The following ROBO1 variants were observed in gnomAD, a reference collection of about 807,000 sequenced individuals.
ROBO1 encodes the protein roundabout guidance receptor 1, also known as roundabout homolog 1.
In ROBO1, 149 loss-of-function variants were observed where a neutral mutation model predicts 195.9. The ratio of observed to expected loss-of-function variants is 0.76; its 90% CI spans 0.67 to 0.87. ROBO1 has a LOEUF of 0.87. ROBO1 is among the 40% of genes least tolerant of loss of function. The pLI is 0.00. For missense variants in ROBO1, 1,933 were observed against 2,068.3 expected, an observed-to-expected ratio of 0.93 and a Z score of 1.27; for synonymous variants, 816 against 733.2, an observed-to-expected ratio of 1.11 and a Z score of -1.82.
intron 4 of ROBO1, among the ~76,000 whole-genome samples, chr3:78,922,119 T>G (rs139466255): frequency 6.6e-6 from 1 of 152,118 alleles, no homozygotes; most frequent in African/African-American, 2.4e-5. Flanking sequence ...TAGGTTTACA[T>G]GGTATTGAAG....
At chr3:78,791,404 C>G (rs2084015847) in intron 4 of ROBO1, among the ~76,000 whole-genome samples, 1 of 152,102 alleles carries the variant, frequency 6.6e-6, no homozygotes, top group South Asian at 2.1e-4. Flanking sequence ...ACAAAATCTT[C>G]TCTCTCATAA....
intron 3 of ROBO1, among the ~76,000 whole-genome samples, chr3:79,049,500 C>T (rs1309749065): frequency 6.6e-6 from 1 of 152,066 alleles, no homozygotes; most frequent in African/African-American, 2.4e-5. Context: ...GAGGACTTCC[C>T]CAACCTAGCA....
At chr3:79,567,072 C>T (rs759353801) in intron 2 of ROBO1, among the ~76,000 whole-genome samples, 16 of 152,120 alleles carry the variant, frequency 1.1e-4, no homozygotes, top group South Asian at 2.1e-4. Flanking sequence ...ACTATGCAGC[C>T]GTAAAAAGAA....
At chr3:79,642,888 T>C (rs1322701081) in intron 1 of ROBO1, among the ~76,000 whole-genome samples, 2 of 152,176 alleles carry the variant, frequency 1.3e-5, no homozygotes, top group East Asian at 3.9e-4. Flanking sequence ...GTAAGTATGG[T>C]ATACAATACA....
intron 2 of ROBO1, among the ~76,000 whole-genome samples, chr3:79,405,172 A>G (rs4258922): frequency 0.4 from 61,423 of 152,010 alleles, 12,664 homozygotes; most frequent in Admixed American, 0.51. Context: ...TTCATAAAAG[A>G]AAATATAGAA....
intron 5 of ROBO1, among the ~76,000 whole-genome samples, chr3:78,735,212 C>T (rs568602051): frequency 6.6e-6 from 1 of 152,240 alleles, no homozygotes; most frequent in East Asian, 1.9e-4. Context: ...TGAACATGAA[C>T]TGAAAATCAA....
rs375345387 is a variant in ROBO1 at position 78,635,943 on chromosome 3, C to T, written c.3203G>A (p.Gly1068Glu). 6 of 1,613,732 alleles carry T rather than the reference C, an allele frequency of 3.7e-6. No individual in the cohort carries two copies. In the African/African-American group the frequency reaches 8.0e-5, roughly 22 times the overall value. Residue 1068 changes from glycine (G) to glutamate (E), a missense_variant, in exon 23 of 31, where the codon GGG becomes GAG. Around this residue, in one of 3 missense-constraint regions of ROBO1, gnomAD observed 1,737 missense variants for 1,882.5 expected, o/e 0.92. Transcript: ENST00000464233. ...LKDGRFVNPS[G>E]QPTPYATTQL... Reference sequence around the variant, plus strand: ...AGTGGTGGCGTAAGGAGTAGGCTGCCCTGATGGATTGACAAAACGCCCATC... The same window carrying T: ...AGTGGTGGCGTAAGGAGTAGGCTGCTCTGATGGATTGACAAAACGCCCATC...
intron 1 of ROBO1, among the ~76,000 whole-genome samples, chr3:79,622,963 C>G (rs1171890742): frequency 1.3e-5 from 2 of 152,158 alleles, no homozygotes; most frequent in Non-Finnish European, 2.9e-5. Flanking sequence ...GAAGAAGGAG[C>G]CAGCACCCAT....
chr3:79,623,378 G>T (rs1353052010), intron 1 of ROBO1, among the ~76,000 whole-genome samples: 1 of 152,200 alleles, frequency 6.6e-6, no homozygotes, highest in Non-Finnish European at 1.5e-5. Context: ...GGCTTCAGAA[G>T]ATAGGCAATA....
chr3:79,229,351 G>A (rs762078272), intron 2 of ROBO1, among the ~76,000 whole-genome samples: 40 of 152,044 alleles, frequency 2.6e-4, no homozygotes, highest in Admixed American at 5.9e-4. Flanking sequence ...CATCAGGAAA[G>A]GATAAAACTG....
intron 2 of ROBO1, among the ~76,000 whole-genome samples, chr3:79,215,413 C>G (rs1420772573): frequency 6.6e-6 from 1 of 151,948 alleles, no homozygotes; most frequent in South Asian, 2.1e-4. Flanking sequence ...ATAAACTAAT[C>G]GGAGGAAGGA....
chr3:79,342,438 C>T (rs1408778959), intron 2 of ROBO1, among the ~76,000 whole-genome samples: 2 of 152,114 alleles, frequency 1.3e-5, no homozygotes, highest in African/African-American at 4.8e-5. Flanking sequence ...GCTTTTAAAG[C>T]TTGCTTTCTA....
chr3:79,546,844 C>G (rs1942280988), intron 2 of ROBO1, among the ~76,000 whole-genome samples: 1 of 152,132 alleles, frequency 6.6e-6, no homozygotes, highest in Non-Finnish European at 1.5e-5. Flanking sequence ...AAGTTGAATA[C>G]TTAGCTATCT....
At chr3:79,003,307 G>A (rs2077547968) in intron 3 of ROBO1, among the ~76,000 whole-genome samples, 1 of 152,098 alleles carries the variant, frequency 6.6e-6, no homozygotes, top group Admixed American at 6.6e-5. Context: ...ACCGGGAGGG[G>A]AGATTAAATT....
At chr3:79,676,719 T>C (rs1946795495) in intron 1 of ROBO1, among the ~76,000 whole-genome samples, 2 of 151,982 alleles carry the variant, frequency 1.3e-5, no homozygotes. Flanking sequence ...GCAGGTAACA[T>C]TTCACCACCT....
At chr3:78,664,093 A>G (rs1374496866) in intron 14 of ROBO1, among the ~76,000 whole-genome samples, 1 of 152,184 alleles carries the variant, frequency 6.6e-6, no homozygotes, top group East Asian at 1.9e-4. Context: ...TGTTCACAGC[A>G]GAGAGAAAAA....
At chr3:79,279,463 A>G (rs1396260170) in intron 2 of ROBO1, among the ~76,000 whole-genome samples, 2 of 152,194 alleles carry the variant, frequency 1.3e-5, no homozygotes, top group Non-Finnish European at 2.9e-5. Context: ...AGATTTTAAA[A>G]ATAGCAAATG....
intron 1 of ROBO1, among the ~76,000 whole-genome samples, chr3:79,629,823 C>T (rs1945286243): frequency 6.6e-6 from 1 of 151,906 alleles, no homozygotes; most frequent in Non-Finnish European, 1.5e-5. Flanking sequence ...AAGACTGATA[C>T]CATATAAACA....
intron 1 of ROBO1, among the ~76,000 whole-genome samples, chr3:79,761,606 C>G (rs1254819749): frequency 6.6e-6 from 1 of 152,176 alleles, no homozygotes; most frequent in Non-Finnish European, 1.5e-5. Context: ...AGCAGCACCT[C>G]AACTCTAAAT....
Sources: allele counts gnomAD v4.1 joint callset (sites outside exome capture counted in the v4.1 genomes callset), GRCh38; gene constraint gnomAD v4.1.1; regional missense constraint gnomAD v4.1.1; transcripts MANE v1.5; gene names NCBI Gene and HGNC (gene_info 2026-07-23, HGNC 2026-07-21).